PFDN5: variants seen among roughly 807,000 people sequenced by gnomAD.
PFDN5 encodes prefoldin subunit 5, also known as c-myc binding protein.
PFDN5 carries 13 observed loss-of-function variants against 21.5 expected under a neutral mutation model. The observed-to-expected ratio is 0.60, with a 90% CI of 0.39 to 0.96. The LOEUF is 0.96. PFDN5 is among the 40% of genes least tolerant of loss of function. The pLI is 0.00. For missense variants in PFDN5, 188 were observed against 186.2 expected (o/e 1.01, Z -0.06); for synonymous variants, 84 against 68.9 (o/e 1.22, Z -1.08).
chr12:53,296,188 G>A, intron 2 of PFDN5, 56 bp from the exon 3 acceptor site: 2 of 1,512,230 alleles, frequency 1.3e-6, no homozygotes, highest in Non-Finnish European at 1.8e-6. Context: ...TCTCTTTAAC[G>A]TCTTACGTTG....
intron 3 of PFDN5, 65 bp from the exon 4 acceptor site, chr12:53,297,785 G>C: frequency 1.6e-6 from 2 of 1,228,378 alleles, no homozygotes; most frequent in Non-Finnish European, 1.2e-6. Context: ...GGCCAAGCAG[G>C]CTGGCTGGCG....
At chr12:53,297,461 G>T (rs149096058) in intron 3 of PFDN5, 131 of 184,302 alleles carry the variant, frequency 7.1e-4, no homozygotes, top group African/African-American at 3.1e-3. Context: ...CATTGACTTT[G>T]TCAGGAATTA....
chr12:53,298,095 C>T lies in PFDN5; in HGVS notation c.333C>T (p.Thr111=). The T allele has an allele frequency of 3.7e-6, 6 of 1,613,794 alleles. No individual in the cohort carries two copies. Among genetic ancestry groups the T allele is most frequent in the Non-Finnish European group, 5.1e-6 (6 of 1,179,700 alleles). ...DFFKRKIDFL[T]KQMEKIQPAL... ...TCAAGAGGAAGATAGATTTTCTAAC[C>T]AAGCAGATGGAGAAAATCCAACCAG... The change falls in exon 5 of 6, where the codon ACC becomes ACT. Residue 111 remains threonine, a synonymous_variant. Transcript: ENST00000334478.
intron 4 of PFDN5, 46 bp from the exon 5 acceptor site, chr12:53,297,999 C>T (rs746099081): frequency 2.6e-6 from 4 of 1,558,714 alleles, no homozygotes. Flanking sequence ...GCAGCATGGC[C>T]AGAGGGAGTC....
chr12:53,295,788 T>G (rs1360817893), intron 1 of PFDN5, 51 bp from the exon 2 acceptor site: 1 of 1,324,880 alleles, frequency 7.5e-7, no homozygotes, highest in Non-Finnish European at 1.1e-6. Flanking sequence ...CCGGCCGCGC[T>G]CCTTTCTCCC....
In PFDN5 at chr12:53,299,361, TG is replaced by T; in HGVS notation, c.*20del. On this transcript the variant is annotated 3_prime_UTR_variant, in exon 6 of 6. Transcript: ENST00000334478. ...TAAGGCCTGAGAGTTTTTGCAGAAA[TG>T]GGGCAGAGGGACACCCTTTGGGCGT... 1 of 1,568,238 alleles carries T rather than the reference TG, an allele frequency of 6.4e-7. No homozygotes were observed. Among genetic ancestry groups the T allele is most frequent in the Non-Finnish European group, 8.8e-7 (1 of 1,142,032 alleles).
intron 2 of PFDN5, 107 bp downstream of exon 2, chr12:53,296,048 C>T (rs1944146045): frequency 3.8e-6 from 3 of 790,590 alleles, no homozygotes; most frequent in Non-Finnish European, 6.5e-6. Flanking sequence ...CATTACATAT[C>T]GTATACCGCT....
chr12:53,297,402 C>T lies in PFDN5; in HGVS notation c.208-448C>T, dbSNP rs146814598. On this transcript the variant is annotated intron_variant, in intron 3 of 5. Coordinates refer to ENST00000334478, the MANE Select transcript of PFDN5 (RefSeq NM_002624.4). ...CGATAGCGGGCAATTGCACTCCAAC[C>T]TGGGCGATAGAGCGAGACTCTGTCT... is the stretch of plus-strand genomic sequence containing the variant. The T allele has an allele frequency of 4.8e-3, 797 of 164,662 alleles. 1 individual carries two copies. Among genetic ancestry groups the T allele is most frequent in the African/African-American group, 0.018 (750 of 41,678 alleles). The allele number at this position is 164,662 out of a possible 1,614,324, so 10.2% of individuals were successfully genotyped here.
At chr12:53,295,743 G>A in intron 1 of PFDN5, 96 bp from the exon 2 acceptor site, 2 of 1,293,928 alleles carry the variant, frequency 1.5e-6, no homozygotes, top group Non-Finnish European at 2.2e-6. Flanking sequence ...TTTCCCAGGC[G>A]AAACCTCTAT....
In PFDN5 at chr12:53,297,879, G is replaced by C; in HGVS notation, c.237G>C (p.Val79=). 1.2e-6 allele frequency: 2 copies of C among 1,613,066 alleles called. No homozygotes were observed. The highest frequency in any genetic ancestry group is 1.7e-6 in the Non-Finnish European group (2 of 1,179,646). Residue 79 remains valine, a synonymous_variant, in exon 4 of 6, where the codon GTG becomes GTC. Transcript: ENST00000334478. ...SMYVPGKLHD[V]EHVLIDVGTG... The stretch of plus-strand genomic sequence containing the variant: ...ATGTCCCTGGGAAGCTGCATGATGT[G>C]GAACACGTGCTCATCGATGTGGGAA...
chr12:53,296,098 G>T, intron 2 of PFDN5, 146 bp from the exon 3 acceptor site: 1 of 799,902 alleles, frequency 1.3e-6, no homozygotes, highest in Non-Finnish European at 2.2e-6. Flanking sequence ...GAATTGAAAA[G>T]TACAGGACAT....
At chr12:53,297,522 G>C (rs541958751) in intron 3 of PFDN5, 2 of 222,372 alleles carry the variant, frequency 9.0e-6, no homozygotes, top group African/African-American at 5.8e-5. Context: ...CTTTTTACTT[G>C]TAGTACTCTA....
Position 53,298,153 on chromosome 12 carries a change from A to G in PFDN5, c.388+3A>G. The G allele has an allele frequency of 1.3e-6, 2 of 1,587,164 alleles. No homozygotes were observed. Among genetic ancestry groups the G allele is most frequent in the Middle Eastern group, 1.7e-4 (1 of 6,010 alleles). On this transcript the variant is annotated splice_donor_region_variant and intron_variant, in intron 5 of 5. Coordinates refer to ENST00000334478, the MANE Select transcript of PFDN5 (RefSeq NM_002624.4). ...GGAGAAGCACGCCATGAAACAGGGT[A>G]AGTTTTTCCTGGGGCACCTCTTGAC...
rs967758597 is a variant in PFDN5, at chr12:53,299,208, TCTC to T, written c.389-58_389-56del. The T allele has an allele frequency of 2.7e-5, 31 of 1,157,322 alleles. No individual in the cohort carries two copies. In the African/African-American group the frequency reaches 3.3e-4, roughly 12 times the overall value. The allele number at this position is 1,157,322 out of a possible 1,614,324, so 71.7% of individuals were successfully genotyped here. On this transcript the variant is annotated intron_variant, in intron 5 of 5. Coordinates refer to ENST00000334478, the MANE Select transcript of PFDN5 (RefSeq NM_002624.4). ...CCTGTCCTTAAACTTGCCTGTCACTTCTCCTTAACTCTAGGTTCTCCTTTTTGC... is the reference window on the plus strand; with the variant it reads ...CCTGTCCTTAAACTTGCCTGTCACTTCTTAACTCTAGGTTCTCCTTTTTGC...
chr12:53,295,694 G>A (rs1460170569), intron 1 of PFDN5, 55 bp downstream of exon 1: 17 of 1,500,022 alleles, frequency 1.1e-5, no homozygotes, highest in Non-Finnish European at 1.5e-5. Flanking sequence ...CCTTGCCCAC[G>A]CGTACTTCTC....
In PFDN5 at chr12:53,298,043, A is replaced by G; in HGVS notation, c.283-2A>G. ...GCCCCTTATTCACCTCTGATCTTGTAGACAGCTGAGGATGCCAAGGACTTC... is the reference window on the plus strand; with the variant it reads ...GCCCCTTATTCACCTCTGATCTTGTGGACAGCTGAGGATGCCAAGGACTTC... On this transcript the variant is annotated splice_acceptor_variant, in intron 4 of 5. Transcript: ENST00000334478. LOFTEE classifies it high-confidence loss of function. 1.9e-6 allele frequency: 3 copies of G among 1,607,102 alleles called. No homozygotes were observed. The highest frequency in any genetic ancestry group is 2.6e-6 in the Non-Finnish European group (3 of 1,173,602).
intron 2 of PFDN5, 78 bp from the exon 3 acceptor site, chr12:53,296,166 C>A (rs1332371771): frequency 2.4e-6 from 3 of 1,233,866 alleles, no homozygotes; most frequent in Non-Finnish European, 3.6e-6. Flanking sequence ...GGGTGCTGTG[C>A]CCTGTTGGAA....
In PFDN5 at chr12:53,295,881, G is replaced by A. The variant is rs991384650; in HGVS notation, c.115G>A (p.Val39Ile). 2.5e-6 allele frequency: 4 copies of A among 1,611,998 alleles called. No individual in the cohort carries two copies. The highest frequency in any genetic ancestry group is 2.5e-6 in the Non-Finnish European group (3 of 1,178,086). ...LSTSIAQLKV[V>I]QTKYVEAKDC... is the part of the protein sequence containing the mutation. ...CACGTCCATTGCTCAGCTCAAAGTG[G>A]TACAGACCAAGTATGTGGAAGCCAA... The change falls in exon 2 of 6, where the codon GTA (valine) becomes ATA (isoleucine). Residue 39 changes from valine (V) to isoleucine (I), a missense_variant. Coordinates refer to ENST00000334478, the MANE Select transcript of PFDN5 (RefSeq NM_002624.4).
chr12:53,299,168 G>T, intron 5 of PFDN5, 101 bp from the exon 6 acceptor site: 8 of 671,712 alleles, frequency 1.2e-5, no homozygotes, highest in Non-Finnish European at 1.8e-5. Flanking sequence ...TTAACAAACT[G>T]TAGTTAGTCG....
Sources: allele counts gnomAD v4.1 joint callset, GRCh38; gene constraint gnomAD v4.1.1; transcripts MANE v1.5; gene names NCBI Gene and HGNC (gene_info 2026-07-23, HGNC 2026-07-21).